Variants in LY75 observed in about 807,000 individuals in gnomAD.
LY75 encodes the protein lymphocyte antigen 75.
A neutral mutation model predicts 231.7 loss-of-function variants in LY75; 185 were observed. That is an observed-to-expected ratio of 0.80 (90% confidence interval 0.71 to 0.90). LY75 has a LOEUF of 0.90. Among genes scored for constraint, LY75 ranks in the 40% least tolerant of loss-of-function variants. LY75 has a pLI of 0.00. For missense variants in LY75, 1,947 were observed against 2,050.2 expected, an observed-to-expected ratio of 0.95 and a Z score of 0.97; for synonymous variants, 668 against 689.0, an observed-to-expected ratio of 0.97 and a Z score of 0.48.
At chr2:159,813,709 A>G (rs1683034835) in intron 31 of LY75, among the ~76,000 whole-genome samples, 1 of 151,976 alleles carries the variant, frequency 6.6e-6, no homozygotes, top group South Asian at 2.1e-4. Flanking sequence ...CCTCACCTCA[A>G]CTACCTAGAT....
chr2:159,898,931 G>A lies in LY75; in HGVS notation c.223C>T (p.Leu75Phe). The A allele has an allele frequency of 6.2e-7, 1 of 1,614,232 alleles. No individual in the cohort carries two copies. The highest frequency in any genetic ancestry group is 8.5e-7 in the Non-Finnish European group (1 of 1,180,044). The change falls in exon 2 of 35, where the codon CTC becomes TTC. Residue 75 changes from leucine (L) to phenylalanine (F), a missense_variant. Physicochemically the swap from Leu to Phe is conservative, Grantham distance 22. Transcript: ENST00000263636. ...KLWKWVSQHR[L>F]FHLHSQKCLG... ...CACTTTTGGGAGTGCAAATGAAAGA[G>A]CCGATGCTGGGACACCCACTTCCAT...
chr2:159,854,680 A>T (rs971728044), intron 17 of LY75, 145 bp from the exon 18 acceptor site: 42 of 1,176,826 alleles, frequency 3.6e-5, no homozygotes, highest in Non-Finnish European at 4.4e-5. Flanking sequence ...ACAAGGAACA[A>T]GAGATTCCTG....
At chr2:159,880,897 C>T (rs1457610254) in intron 8 of LY75, among the ~76,000 whole-genome samples, 186 bp downstream of exon 8, 1 of 152,148 alleles carries the variant, frequency 6.6e-6, no homozygotes, top group African/African-American at 2.4e-5. Context: ...CTTGCTTACC[C>T]GCCGCTCACC....
At chr2:159,854,652 G>T (rs971027029) in intron 17 of LY75, 117 bp from the exon 18 acceptor site, 5 of 1,289,248 alleles carry the variant, frequency 3.9e-6, no homozygotes, top group Non-Finnish European at 5.3e-6. Flanking sequence ...GCCCTCTCTG[G>T]CTGGGGCAGT....
intron 20 of LY75, 39 bp downstream of exon 20, chr2:159,853,234 T>C (rs1200935733): frequency 6.4e-7 from 1 of 1,570,512 alleles, no homozygotes; most frequent in East Asian, 2.3e-5. Flanking sequence ...ACTTCACATA[T>C]TACATAATCA....
chr2:159,880,279 G>T (rs1685394961), intron 8 of LY75, among the ~76,000 whole-genome samples: 1 of 152,140 alleles, frequency 6.6e-6, no homozygotes, highest in African/African-American at 2.4e-5. Context: ...TTAAGTAAAA[G>T]ATGTTCAAAA....
At chr2:159,823,151 G>A (rs891011277) in intron 28 of LY75, among the ~76,000 whole-genome samples, 1 of 152,194 alleles carries the variant, frequency 6.6e-6, no homozygotes, top group African/African-American at 2.4e-5. Context: ...AAACTGCTCC[G>A]AGCTAAAGGA....
chr2:159,830,230 G>C (rs537448072), intron 28 of LY75, among the ~76,000 whole-genome samples: 99 of 152,288 alleles, frequency 6.5e-4, no homozygotes, highest in Non-Finnish European at 1.0e-3. Flanking sequence ...GGGTTAGAGA[G>C]CAAAGGAGAA....
rs564356044 is a variant in LY75, at chr2:159,886,920, A to T, written c.803-390T>A. On this transcript the variant is annotated intron_variant, in intron 4 of 34. Coordinates refer to ENST00000263636, the MANE Select transcript of LY75 (RefSeq NM_002349.4). ...AGATCTGACTGTATTCTAGACTGAC[A>T]ATTTAAATTCATTAGGCACACATAT... 2.0e-5 allele frequency among the ~76,000 whole-genome samples: 3 copies of T among 152,154 alleles called. No homozygotes were observed. In the South Asian group the frequency reaches 6.2e-4, roughly 32 times the overall value.
chr2:159,839,573 T>C (rs1228197019), intron 25 of LY75, among the ~76,000 whole-genome samples: 1 of 152,216 alleles, frequency 6.6e-6, no homozygotes. Context: ...GCTGAATTTT[T>C]TCTTCTTAAA....
At chr2:159,823,276 C>T (rs984752046) in intron 28 of LY75, among the ~76,000 whole-genome samples, 3 of 152,114 alleles carry the variant, frequency 2.0e-5, no homozygotes, top group African/African-American at 7.2e-5. Context: ...AGCTGAAAAA[C>T]ACAGCATGAG....
intron 23 of LY75, among the ~76,000 whole-genome samples, chr2:159,843,494 T>C (rs1684105305): frequency 6.6e-6 from 1 of 151,958 alleles, no homozygotes; most frequent in Non-Finnish European, 1.5e-5. Context: ...ATGGCCATTT[T>C]TTTTTTTTTA....
At chr2:159,892,650 TG>T (rs1685795223) in intron 3 of LY75, among the ~76,000 whole-genome samples, 1 of 152,192 alleles carries the variant, frequency 6.6e-6, no homozygotes, top group Non-Finnish European at 1.5e-5. Flanking sequence ...AGTAATATTT[TG>T]TGAGTACCTA....
intron 23 of LY75, among the ~76,000 whole-genome samples, chr2:159,848,577 T>C (rs757314400): frequency 1.3e-5 from 2 of 152,150 alleles, no homozygotes; most frequent in African/African-American, 2.4e-5. Flanking sequence ...AGTAGATCTT[T>C]TAATGGCTGA....
intron 21 of LY75, among the ~76,000 whole-genome samples, chr2:159,850,816 G>GATATATATTGTATATTATATCTTTA (rs1684380231): frequency 1.4e-5 from 1 of 70,066 alleles, no homozygotes; most frequent in African/African-American, 5.8e-5. Flanking sequence ...TTATATATAA[G>GATATATATTGTATATTATATCTTTA]ATATATATTG....
intron 4 of LY75, among the ~76,000 whole-genome samples, chr2:159,888,222 A>G (rs970622484): frequency 1.3e-5 from 2 of 152,198 alleles, no homozygotes; most frequent in African/African-American, 4.8e-5. Flanking sequence ...GGTACGTAGT[A>G]TAACAAAAAA....
intron 12 of LY75, among the ~76,000 whole-genome samples, chr2:159,874,635 ATGTAAATATATATATTT>A (rs1437983651): frequency 4.6e-4 from 9 of 19,726 alleles, no homozygotes; most frequent in African/African-American, 1.4e-3. Flanking sequence ...TAGTAAATAT[ATGTAAATATATATATTT>A]TGTAAATATA....
chr2:159,902,335 G>C (rs1163404303), intron 1 of LY75: 1 of 152,184 alleles, frequency 6.6e-6, no homozygotes, highest in African/African-American at 2.4e-5. Context: ...TTCTCCAGTG[G>C]TGTTTGAGAG....
rs745850011 is a variant in LY75, at chr2:159,816,884, G to A, written c.4302C>T (p.Asn1434=). 2.5e-6 allele frequency: 4 copies of A among 1,614,184 alleles called. No homozygotes were observed. Among genetic ancestry groups the A allele is most frequent in the East Asian group, 2.2e-5 (1 of 44,882 alleles). ...QSGGHLASVH[N]QNGQLFLEDI... is the part of the protein sequence containing the mutation. ...CTTCCAGAAAGAGCTGGCCATTTTG[G>A]TTGTGAACGCTTGCCAAGTGACCTC... The change falls in exon 30 of 35, where the codon AAC becomes AAT. Residue 1434 remains asparagine, a synonymous_variant. Transcript: ENST00000263636.
Sources: gnomAD v4.1 joint callset for allele counts (sites outside exome capture counted in the v4.1 genomes callset) on GRCh38, gnomAD v4.1.1 for gene constraint, MANE v1.5 for transcripts, NCBI Gene and HGNC (gene_info 2026-07-23, HGNC 2026-07-21) for gene names.